MLLT3: variants seen among roughly 807,000 people sequenced by gnomAD.
MLLT3 encodes MLLT3 super elongation complex subunit.
MLLT3 carries 4 observed loss-of-function variants against 53.2 expected under a neutral mutation model. The ratio of observed to expected loss-of-function variants is 0.08; its 90% CI spans 0.04 to 0.17. The LOEUF (loss-of-function observed/expected upper bound fraction) is 0.17, where lower values mean the gene tolerates loss of function less well. MLLT3 is among the 10% of genes least tolerant of loss of function. The probability of loss-of-function intolerance (pLI) is 1.00; values close to 1 mark genes in which losing one functional copy is unlikely to be tolerated. For missense variants in MLLT3, 569 were observed against 684.0 expected, an observed-to-expected ratio of 0.83 and a Z score of 1.87; for synonymous variants, 283 against 230.6, an observed-to-expected ratio of 1.23 and a Z score of -2.06.
At chr9:20,528,809 A>G (rs1234306300) in intron 2 of MLLT3, among the ~76,000 whole-genome samples, 1 of 152,214 alleles carries the variant, frequency 6.6e-6, no homozygotes, top group African/African-American at 2.4e-5. Flanking sequence ...CAATAAGGTA[A>G]AATTTACAGG....
chr9:20,377,806 T>A (rs1821806069), intron 5 of MLLT3, among the ~76,000 whole-genome samples: 1 of 152,134 alleles, frequency 6.6e-6, no homozygotes, highest in African/African-American at 2.4e-5. Flanking sequence ...GTTTGACTTT[T>A]AATATAACCA....
At chr9:20,481,463 CACCCCA>C (rs1189910347) in intron 2 of MLLT3, among the ~76,000 whole-genome samples, 1 of 152,164 alleles carries the variant, frequency 6.6e-6, no homozygotes, top group African/African-American at 2.4e-5. Context: ...GCAAGTCCCA[CACCCCA>C]ACATAAGGAC....
intron 2 of MLLT3, among the ~76,000 whole-genome samples, chr9:20,518,080 C>G (rs1435680706): frequency 6.6e-6 from 1 of 152,168 alleles, no homozygotes; most frequent in African/African-American, 2.4e-5. Flanking sequence ...TGGCTCACGC[C>G]TATAATCCTA....
chr9:20,361,599 T>C (rs948542237), intron 7 of MLLT3, among the ~76,000 whole-genome samples: 1 of 152,338 alleles, frequency 6.6e-6, no homozygotes, highest in South Asian at 2.1e-4. Context: ...ATGTTTGGGA[T>C]AACCGCTTTG....
chr9:20,440,248 C>G (rs1348278059), intron 4 of MLLT3, among the ~76,000 whole-genome samples: 3 of 152,152 alleles, frequency 2.0e-5, no homozygotes, highest in African/African-American at 7.2e-5. Context: ...GATATCAAAT[C>G]AAACATTCTT....
intron 2 of MLLT3, among the ~76,000 whole-genome samples, chr9:20,570,749 T>C (rs1425176671): frequency 6.9e-6 from 1 of 144,780 alleles, no homozygotes; most frequent in Non-Finnish European, 1.5e-5. Flanking sequence ...GCAATACCGA[T>C]TGTTCTTCTT....
At position 20,413,988 on chromosome 9, in the gene MLLT3, G is replaced by A. The variant is rs374618310; in HGVS notation, c.858C>T (p.Pro286=). The A allele has an allele frequency of 4.3e-6, 7 of 1,614,014 alleles. No homozygotes were observed. In the Admixed American group the frequency reaches 8.3e-5, roughly 19 times the overall value. The change falls in exon 5 of 11, where the codon CCC becomes CCT. Residue 286 remains proline (P), a synonymous_variant. Transcript: ENST00000380338. ...QDKKAPSKRP[P]ISDSEELSAK... ...CTGAGAGTTCTTCAGAATCTGAAAT[G>A]GGCGGCCTTTTACTAGGAGCCTTCT...
At chr9:20,615,234 T>C (rs1246635540) in intron 2 of MLLT3, among the ~76,000 whole-genome samples, 2 of 151,454 alleles carry the variant, frequency 1.3e-5, no homozygotes, top group Non-Finnish European at 2.9e-5. Flanking sequence ...GCCTATAGTC[T>C]GAGCTGTTTG....
intron 2 of MLLT3, among the ~76,000 whole-genome samples, chr9:20,615,813 T>C (rs1287263527): frequency 2.1e-5 from 3 of 144,188 alleles, no homozygotes; most frequent in South Asian, 2.1e-4. Flanking sequence ...GATAACACAA[T>C]AGACTGAAAA....
chr9:20,351,657 T>C (rs558231937), intron 10 of MLLT3, among the ~76,000 whole-genome samples: 2 of 152,292 alleles, frequency 1.3e-5, no homozygotes, highest in South Asian at 2.1e-4. Flanking sequence ...TTGGATAGGA[T>C]GCATTTAACA....
intron 5 of MLLT3, among the ~76,000 whole-genome samples, chr9:20,412,216 A>G (rs78909008): frequency 0.014 from 2,066 of 152,314 alleles, 42 homozygotes; most frequent in African/African-American, 0.047. Context: ...AGTCAAACAC[A>G]CACAAAAAAG....
intron 2 of MLLT3, among the ~76,000 whole-genome samples, chr9:20,597,146 C>G (rs1820294504): frequency 6.6e-6 from 1 of 151,818 alleles, no homozygotes. Context: ...TATGCTATAA[C>G]CTTGATAAAT....
chr9:20,537,678 C>A (rs538442575), intron 2 of MLLT3, among the ~76,000 whole-genome samples: 9 of 152,196 alleles, frequency 5.9e-5, no homozygotes, highest in Non-Finnish European at 1.2e-4. Flanking sequence ...ATGCAAGCTA[C>A]AAAAGCTAAA....
At chr9:20,505,852 C>A (rs557010185) in intron 2 of MLLT3, among the ~76,000 whole-genome samples, 97 of 152,312 alleles carry the variant, frequency 6.4e-4, no homozygotes, top group African/African-American at 2.2e-3. Context: ...ATTAACTGTT[C>A]ATACTACCAC....
chr9:20,569,421 C>T (rs527644846), intron 2 of MLLT3, among the ~76,000 whole-genome samples: 7 of 152,254 alleles, frequency 4.6e-5, no homozygotes, highest in African/African-American at 1.7e-4. Context: ...CTCATTCCCT[C>T]TTTAAAAACA....
chr9:20,464,092 G>C (rs561813590), intron 2 of MLLT3, among the ~76,000 whole-genome samples: 1 of 151,174 alleles, frequency 6.6e-6, no homozygotes. Flanking sequence ...ACAAACCTTG[G>C]GACAGCCCTC....
intron 2 of MLLT3, among the ~76,000 whole-genome samples, chr9:20,579,420 A>G (rs1819734001): frequency 6.6e-6 from 1 of 152,024 alleles, no homozygotes. Flanking sequence ...TGAAAATTAT[A>G]TATATACAAA....
chr9:20,523,780 G>A (rs1818126755), intron 2 of MLLT3, among the ~76,000 whole-genome samples: 1 of 152,018 alleles, frequency 6.6e-6, no homozygotes, highest in Non-Finnish European at 1.5e-5. Context: ...ACCAGCCTGG[G>A]CAACATGGAG....
At chr9:20,546,651 T>C (rs1188562791) in intron 2 of MLLT3, among the ~76,000 whole-genome samples, 2 of 152,086 alleles carry the variant, frequency 1.3e-5, no homozygotes, top group Non-Finnish European at 2.9e-5. Context: ...GTATGGCAGA[T>C]GCACCTGAAT....
Sources: allele counts gnomAD v4.1 joint callset (sites outside exome capture counted in the v4.1 genomes callset), GRCh38; gene constraint gnomAD v4.1.1; transcripts MANE v1.5; gene names NCBI Gene and HGNC (gene_info 2026-07-23, HGNC 2026-07-21).